The following GRID2 variants were observed in gnomAD, a reference collection of about 807,000 sequenced individuals.
GRID2 encodes glutamate ionotropic receptor delta type subunit 2.
In GRID2, 33 loss-of-function variants were observed where a neutral mutation model predicts 114.8. The ratio of observed to expected loss-of-function variants is 0.29; its 90% CI spans 0.22 to 0.38. The LOEUF (loss-of-function observed/expected upper bound fraction) is 0.38. GRID2 is among the 10% of genes least tolerant of loss of function. GRID2 has a pLI of 1.00. For missense variants in GRID2, 1,184 were observed against 1,257.7 expected (o/e 0.94, Z 0.89); for synonymous variants, 505 against 449.9 (o/e 1.12, Z -1.55).
chr4:93,418,843 A>G (rs1240831020), intron 9 of GRID2, among the ~76,000 whole-genome samples: 1 of 152,044 alleles, frequency 6.6e-6, no homozygotes, highest in Admixed American at 6.6e-5. Context: ...TGGAGCCTCC[A>G]TCAGGGTACC....
At chr4:93,236,635 T>A (rs765158978) in intron 7 of GRID2, among the ~76,000 whole-genome samples, 1 of 151,958 alleles carries the variant, frequency 6.6e-6, no homozygotes, top group Non-Finnish European at 1.5e-5. Flanking sequence ...GGAGTTCCAA[T>A]TGGCAGGGAA....
chr4:92,899,612 A>AT (rs945215321), intron 2 of GRID2, among the ~76,000 whole-genome samples: 1 of 152,136 alleles, frequency 6.6e-6, no homozygotes, highest in African/African-American at 2.4e-5. Flanking sequence ...ATTCATTTAC[A>AT]TTTTTTACAA....
At chr4:93,482,891 C>T (rs1346391378) in intron 11 of GRID2, among the ~76,000 whole-genome samples, 3 of 151,788 alleles carry the variant, frequency 2.0e-5, no homozygotes, top group African/African-American at 4.8e-5. Context: ...ACCCATTATC[C>T]TGTGGACAAC....
chr4:93,314,079 C>T (rs777599136), intron 8 of GRID2, among the ~76,000 whole-genome samples: 11 of 151,882 alleles, frequency 7.2e-5, no homozygotes, highest in African/African-American at 2.7e-4. Context: ...CCAAGGCGGG[C>T]GGATCACCTG....
chr4:93,346,237 G>A (rs1472738789), intron 8 of GRID2, among the ~76,000 whole-genome samples: 2 of 151,924 alleles, frequency 1.3e-5, no homozygotes, highest in Non-Finnish European at 2.9e-5. Context: ...TTTATTTATG[G>A]CAACAGATTT....
At chr4:92,594,767 T>TTTTTTCTTCTGTGGCATCTATG (rs1319635496) in intron 2 of GRID2, among the ~76,000 whole-genome samples, 2 of 151,998 alleles carry the variant, frequency 1.3e-5, no homozygotes, top group African/African-American at 2.4e-5. Flanking sequence ...CTCTTATAAA[T>TTTTTTCTTCTGTGGCATCTATG]TTTTTCTTCT....
chr4:92,905,526 G>T (rs1472415008), intron 2 of GRID2, among the ~76,000 whole-genome samples: 3 of 152,022 alleles, frequency 2.0e-5, no homozygotes, highest in African/African-American at 7.2e-5. Flanking sequence ...TCTGATGTTT[G>T]AAATGTTCTG....
At chr4:92,734,872 AAGGGTCATG>A in intron 2 of GRID2, among the ~76,000 whole-genome samples, 1 of 149,376 alleles carries the variant, frequency 6.7e-6, no homozygotes, top group African/African-American at 2.5e-5. Context: ...TTGTCCTCCC[AAGGGTCATG>A]TGACCCTCTC....
chr4:92,373,667 T>C (rs1729220808), intron 1 of GRID2, among the ~76,000 whole-genome samples: 1 of 152,172 alleles, frequency 6.6e-6, no homozygotes, highest in South Asian at 2.1e-4. Flanking sequence ...GACCATGACC[T>C]TTTTTCAAGA....
chr4:93,608,526 T>G (rs1740569076), intron 13 of GRID2, among the ~76,000 whole-genome samples: 1 of 146,676 alleles, frequency 6.8e-6, no homozygotes, highest in African/African-American at 2.5e-5. Flanking sequence ...GTGATCTCAT[T>G]GTTAAATTCC....
At chr4:92,962,237 T>A (rs1032408474) in intron 2 of GRID2, among the ~76,000 whole-genome samples, 4 of 151,936 alleles carry the variant, frequency 2.6e-5, no homozygotes, top group African/African-American at 9.7e-5. Context: ...CTTGTTTTTT[T>A]AATATATATC....
At chr4:93,478,235 T>C (rs1262286600) in intron 11 of GRID2, among the ~76,000 whole-genome samples, 1 of 152,156 alleles carries the variant, frequency 6.6e-6, no homozygotes, top group Non-Finnish European at 1.5e-5. Context: ...ATATGAGTTA[T>C]AGCAATTGGC....
At chr4:92,957,255 A>G (rs181031008) in intron 2 of GRID2, among the ~76,000 whole-genome samples, 387 of 151,722 alleles carry the variant, frequency 2.6e-3, no homozygotes, top group South Asian at 5.6e-3. Flanking sequence ...TTTTTTTTCT[A>G]TGTTATGTTG....
At chr4:92,747,159 TG>T (rs1737188057) in intron 2 of GRID2, among the ~76,000 whole-genome samples, 1 of 152,052 alleles carries the variant, frequency 6.6e-6, no homozygotes, top group Admixed American at 6.5e-5. Flanking sequence ...TACCCTAAAA[TG>T]ATATCTATTG....
At chr4:93,303,492 G>A (rs932421804) in intron 8 of GRID2, among the ~76,000 whole-genome samples, 27 of 152,076 alleles carry the variant, frequency 1.8e-4, no homozygotes, top group African/African-American at 6.0e-4. Context: ...ACTGTCCTTC[G>A]TGGGCTTCAA....
intron 7 of GRID2, among the ~76,000 whole-genome samples, chr4:93,234,628 C>A (rs1469645332): frequency 7.0e-6 from 1 of 143,526 alleles, no homozygotes; most frequent in African/African-American, 2.5e-5. Flanking sequence ...AAACTAGATT[C>A]TTTGTATTTG....
intron 14 of GRID2, among the ~76,000 whole-genome samples, chr4:93,733,129 G>C (rs986941324): frequency 6.6e-6 from 1 of 152,098 alleles, no homozygotes; most frequent in Non-Finnish European, 1.5e-5. Context: ...AAATTAGGGA[G>C]GCTTTCTAAA....
rs372579607 is a variant in GRID2 at position 92,943,939 on chromosome 4, C to T, written c.245-141056C>T. 9.2e-5 allele frequency among the ~76,000 whole-genome samples: 14 copies of T among 152,304 alleles called. 1 individual carries two copies. Among genetic ancestry groups the T allele is most frequent in the African/African-American group, 3.4e-4 (14 of 41,574 alleles). On this transcript the variant is annotated intron_variant, in intron 2 of 15. Transcript: ENST00000282020. ...CAAATGTTGCTGCCTGATTGTTCCTCTGGAAGTTTTGTCTCAGAGGGGTAC... is the reference window on the plus strand; with the variant it reads ...CAAATGTTGCTGCCTGATTGTTCCTTTGGAAGTTTTGTCTCAGAGGGGTAC...
intron 2 of GRID2, among the ~76,000 whole-genome samples, chr4:92,700,876 C>G (rs1442936495): frequency 6.6e-6 from 1 of 151,902 alleles, no homozygotes; most frequent in Non-Finnish European, 1.5e-5. Context: ...CCTGTAGTCC[C>G]AGCTACGCGG....
Sources: gnomAD v4.1 joint callset for allele counts (sites outside exome capture counted in the v4.1 genomes callset) on GRCh38, gnomAD v4.1.1 for gene constraint, MANE v1.5 for transcripts, NCBI Gene and HGNC (gene_info 2026-07-23, HGNC 2026-07-21) for gene names.